Variants in ALG6 observed in about 807,000 individuals in gnomAD.
ALG6 encodes the protein ALG6 alpha-1,3-glucosyltransferase, also known as dolichyl pyrophosphate Man9GlcNAc2 alpha-1,3-glucosyltransferase.
Under a neutral mutation model 66.6 loss-of-function variants are expected in ALG6, and 46 were observed. The observed-to-expected ratio is 0.69, with a 90% CI of 0.55 to 0.88. The LOEUF (loss-of-function observed/expected upper bound fraction) is 0.88. ALG6 is among the 40% of genes least tolerant of loss of function. The probability of loss-of-function intolerance (pLI) is 0.00; values close to 1 mark genes in which losing one functional copy is unlikely to be tolerated. For missense variants in ALG6, 505 were observed against 586.8 expected, an observed-to-expected ratio of 0.86 and a Z score of 1.44; for synonymous variants, 185 against 203.7, an observed-to-expected ratio of 0.91 and a Z score of 0.78.
At chr1:63,381,432 C>T (rs1371750328) in intron 2 of ALG6, among the ~76,000 whole-genome samples, 3 of 151,920 alleles carry the variant, frequency 2.0e-5, no homozygotes, top group East Asian at 1.9e-4. Flanking sequence ...CCAGCCTGGG[C>T]GACAGAGCGA....
intron 2 of ALG6, among the ~76,000 whole-genome samples, chr1:63,382,833 A>G (rs145651816): frequency 0.048 from 7,274 of 151,074 alleles, 563 homozygotes; most frequent in African/African-American, 0.17. Context: ...CTGCCACCAC[A>G]CCCAGCTCAT....
chr1:63,428,976 GACA>G lies in ALG6; in HGVS notation c.1181_1183del (p.Thr394del), dbSNP rs1308838556. 4.3e-6 allele frequency: 7 copies of G among 1,612,844 alleles called. No homozygotes were observed. Among genetic ancestry groups the G allele is most frequent in the Middle Eastern group, 1.6e-4 (1 of 6,074 alleles). On this transcript the variant is annotated inframe_deletion, in exon 14 of 15. Transcript: ENST00000263440. ...ATGAACTCCTAATGCCCTCTGTTGT[GACA>G]ACAATGGCATTTTTTATAGCTTGTG... is the stretch of plus-strand genomic sequence containing the variant.
intron 2 of ALG6, among the ~76,000 whole-genome samples, chr1:63,393,725 C>CA (rs1219879417): frequency 6.6e-6 from 1 of 152,174 alleles, no homozygotes; most frequent in East Asian, 1.9e-4. Flanking sequence ...GCAACCTCGG[C>CA]AAAATTAATT....
Position 63,429,000 on chromosome 1 carries a change from T to C in ALG6, c.1200T>C (p.Ala400=), listed in dbSNP as rs780988843. ...SVVTTMAFFI[A]CVTSFSIFEK... The stretch of plus-strand genomic sequence containing the variant: ...TGACAACAATGGCATTTTTTATAGC[T>C]TGTGTAACTTCCTTTTCAATATTTG... The change falls in exon 14 of 15, where the codon GCT becomes GCC. Residue 400 remains alanine, a synonymous_variant. Transcript: ENST00000263440. The C allele has an allele frequency of 1.3e-5, 21 of 1,612,086 alleles. 1 individual carries two copies. In the South Asian group the frequency reaches 2.3e-4, roughly 18 times the overall value.
chr1:63,376,040 G>A (rs575731430), intron 2 of ALG6, among the ~76,000 whole-genome samples: 198 of 152,178 alleles, frequency 1.3e-3, no homozygotes, highest in South Asian at 4.6e-3. Flanking sequence ...GTACAGTCAT[G>A]CATTGTTTAA....
rs181709997 is a variant in ALG6 at position 63,416,000 on chromosome 1, T to C, written c.987+43T>C. On this transcript the variant is annotated intron_variant, in intron 11 of 14. Transcript: ENST00000263440. Reference sequence around the variant, plus strand: ...TTAGATACTTAATTCTTGCCACAACTGATCTTTTAAAAATTATTTTCATGG... The same window carrying C: ...TTAGATACTTAATTCTTGCCACAACCGATCTTTTAAAAATTATTTTCATGG... 3.9e-3 allele frequency: 5,249 copies of C among 1,359,658 alleles called. 32 individuals are homozygous for C. Among genetic ancestry groups the C allele is most frequent in the Non-Finnish European group, 4.6e-3 (4,363 of 950,752 alleles). The allele number at this position is 1,359,658 out of a possible 1,614,324, so 84.2% of individuals were successfully genotyped here. A position where few individuals can be genotyped will look rare whatever the true frequency, so the allele number is the denominator to read the frequency against.
intron 7 of ALG6, among the ~76,000 whole-genome samples, chr1:63,408,620 T>TC (rs1644501687): frequency 6.6e-6 from 1 of 152,180 alleles, no homozygotes. Flanking sequence ...ATTAAGACTC[T>TC]CATAACAATG....
At chr1:63,413,499 C>T (rs1441902504) in intron 9 of ALG6, among the ~76,000 whole-genome samples, 1 of 152,154 alleles carries the variant, frequency 6.6e-6, no homozygotes, top group African/African-American at 2.4e-5. Flanking sequence ...TAAGTCTGCA[C>T]AGCTGTAAGT....
chr1:63,400,189 T>C (rs1404756955), intron 3 of ALG6, among the ~76,000 whole-genome samples: 1 of 64,364 alleles, frequency 1.6e-5, no homozygotes, highest in Non-Finnish European at 2.7e-5. Flanking sequence ...AGCAAAACTC[T>C]GTCTCAAAAA....
chr1:63,400,309 ATATATATATACG>A lies in ALG6; in HGVS notation c.168-1934_168-1923del, dbSNP rs1644454651. Among the ~76,000 whole-genome samples, 9 of 15,248 alleles carry A rather than the reference ATATATATATACG, an allele frequency of 5.9e-4. 2 individuals carry two copies. The highest frequency in any genetic ancestry group is 8.5e-4 in the African/African-American group (2 of 2,354). 10.0% of individuals were successfully genotyped at this position (15,248 alleles called of 152,430 possible). On this transcript the variant is annotated intron_variant, in intron 3 of 14. Coordinates refer to ENST00000263440, the MANE Select transcript of ALG6 (RefSeq NM_013339.4). ...TATATATATATACGTATATATATGT[ATATATATATACG>A]TATATATATATATACGTATATATAT... is the stretch of plus-strand genomic sequence containing the variant.
At chr1:63,382,154 A>AT (rs1006083152) in intron 2 of ALG6, among the ~76,000 whole-genome samples, 62 of 149,410 alleles carry the variant, frequency 4.1e-4, no homozygotes, top group Non-Finnish European at 7.3e-4. Flanking sequence ...GTCACATGAG[A>AT]TTTTTTTTTT....
chr1:63,399,817 A>G (rs2100408425), intron 3 of ALG6, among the ~76,000 whole-genome samples: 1 of 152,226 alleles, frequency 6.6e-6, no homozygotes, highest in East Asian at 1.9e-4. Flanking sequence ...TACTTACTAA[A>G]CATCTACTGA....
chr1:63,417,405 A>G (rs1203330691), intron 11 of ALG6, among the ~76,000 whole-genome samples: 1 of 152,188 alleles, frequency 6.6e-6, no homozygotes, highest in East Asian at 1.9e-4. Context: ...TCAGTTTGGT[A>G]TGTTTTAAAA....
intron 3 of ALG6, among the ~76,000 whole-genome samples, chr1:63,401,646 C>T (rs1227209480): frequency 6.6e-6 from 1 of 151,012 alleles, no homozygotes; most frequent in Admixed American, 6.6e-5. Context: ...CACTGCACTC[C>T]AGTCTAGGTG....
intron 2 of ALG6, among the ~76,000 whole-genome samples, chr1:63,387,137 T>C (rs1463044085): frequency 6.6e-6 from 1 of 152,260 alleles, no homozygotes; most frequent in Non-Finnish European, 1.5e-5. Flanking sequence ...TATTCCATTG[T>C]GGTTAGAAAG....
chr1:63,390,154 C>T lies in ALG6; in HGVS notation c.83-6359C>T, dbSNP rs563785592. Among the ~76,000 whole-genome samples, 380 of 152,292 alleles carry T rather than the reference C, an allele frequency of 2.5e-3. 2 individuals carry two copies. Among genetic ancestry groups the T allele is most frequent in the South Asian group, 0.016 (78 of 4,822 alleles). The stretch of plus-strand genomic sequence containing the variant: ...GTATTGAATCCAGCCAGGCTTATGC[C>T]CTTTCCTTAGGGTGGCAGCTTCCCC... On this transcript the variant is annotated intron_variant, in intron 2 of 14. Coordinates refer to ENST00000263440, the MANE Select transcript of ALG6 (RefSeq NM_013339.4).
At chr1:63,419,631 T>G (rs1644563480) in intron 12 of ALG6, among the ~76,000 whole-genome samples, 191 bp downstream of exon 12, 1 of 152,218 alleles carries the variant, frequency 6.6e-6, no homozygotes, top group African/African-American at 2.4e-5. Context: ...CTGAAAAATT[T>G]TGGTAGAATG....
chr1:63,403,747 G>C (rs938967063), intron 4 of ALG6, among the ~76,000 whole-genome samples: 1 of 152,134 alleles, frequency 6.6e-6, no homozygotes, highest in African/African-American at 2.4e-5. Flanking sequence ...GCATGTCACT[G>C]TACTGAATAC....
intron 12 of ALG6, among the ~76,000 whole-genome samples, chr1:63,422,441 A>C (rs1225130906): frequency 8.0e-6 from 1 of 125,270 alleles, no homozygotes; most frequent in Non-Finnish European, 1.6e-5. Context: ...AAATATATAT[A>C]TAAATATATA....
Sources: gnomAD v4.1 joint callset for allele counts (sites outside exome capture counted in the v4.1 genomes callset) on GRCh38, gnomAD v4.1.1 for gene constraint, MANE v1.5 for transcripts, NCBI Gene and HGNC (gene_info 2026-07-23, HGNC 2026-07-21) for gene names.